SLC14A1: variants seen among roughly 807,000 people sequenced by gnomAD.
SLC14A1 encodes solute carrier family 14 member 1 (Kidd blood group), also known as urea transporter 1.
In SLC14A1, 36 loss-of-function variants were observed where a neutral mutation model predicts 39.6. The observed-to-expected ratio is 0.91, with a 90% CI of 0.70 to 1.20. The LOEUF (loss-of-function observed/expected upper bound fraction) is 1.20, where lower values mean the gene tolerates loss of function less well. Ranked by LOEUF, SLC14A1 falls within the 50% of genes most tolerant of loss-of-function variation. SLC14A1 has a pLI of 0.00. For missense variants in SLC14A1, 469 were observed against 478.7 expected (o/e 0.98, Z 0.19); for synonymous variants, 164 against 173.6 (o/e 0.94, Z 0.43).
rs753809770 is a variant in SLC14A1, at chr18:45,736,471, T to G, written c.486T>G (p.Ser162Arg). Residue 162 changes from serine (S) to arginine (R), a missense_variant, in exon 6 of 10, where the codon AGT becomes AGG. Ser to Arg is a moderately radical substitution (Grantham distance 110). Transcript: ENST00000321925. ...AMSMTCPIFS[S>R]ALNSMLSKWD... is the part of the protein sequence containing the mutation. ...CTTTTTTTAGCCCAATTTTCTCAAG[T>G]GCATTGAATTCCATGCTCAGCAAAT... 1.2e-6 allele frequency: 2 copies of G among 1,614,228 alleles called. No individual in the cohort carries two copies. The highest frequency in any genetic ancestry group is 2.2e-5 in the South Asian group (2 of 91,088).
At chr18:45,747,478 G>T (rs2144855287) in intron 8 of SLC14A1, among the ~76,000 whole-genome samples, 1 of 152,036 alleles carries the variant, frequency 6.6e-6, no homozygotes, top group East Asian at 1.9e-4. Flanking sequence ...GACAAGGTCA[G>T]GAGATTGAGA....
intron 7 of SLC14A1, 93 bp from the exon 8 acceptor site, chr18:45,739,435 G>A: frequency 1.2e-6 from 2 of 1,606,472 alleles, no homozygotes; most frequent in East Asian, 4.5e-5. Flanking sequence ...GGAGTTCCCG[G>A]GATGCTTCCT....
chr18:45,725,893 AG>A (rs1214282860), intron 2 of SLC14A1, among the ~76,000 whole-genome samples: 4 of 152,186 alleles, frequency 2.6e-5, no homozygotes, highest in African/African-American at 9.7e-5. Flanking sequence ...AGCTCAAGGA[AG>A]GGGTTCTCCA....
chr18:45,726,089 G>C (rs1171106145), intron 2 of SLC14A1, among the ~76,000 whole-genome samples: 1 of 152,080 alleles, frequency 6.6e-6, no homozygotes, highest in South Asian at 2.1e-4. Context: ...TTAACCATTT[G>C]TTCTTTATCA....
chr18:45,740,544 GA>G (rs1366187334), intron 8 of SLC14A1, among the ~76,000 whole-genome samples: 5 of 145,284 alleles, frequency 3.4e-5, no homozygotes, highest in African/African-American at 7.7e-5. Context: ...AAAGAGAAAA[GA>G]AAAAAAAAGA....
At chr18:45,736,977 T>A (rs2047216897) in intron 6 of SLC14A1, among the ~76,000 whole-genome samples, 1 of 152,164 alleles carries the variant, frequency 6.6e-6, no homozygotes, top group African/African-American at 2.4e-5. Flanking sequence ...GCATGTGGCC[T>A]CCAGCCTGGT....
intron 2 of SLC14A1, chr18:45,729,946 C>A (rs17674580): frequency 2.3e-5 from 4 of 175,288 alleles, no homozygotes; most frequent in Non-Finnish European, 3.6e-5. Context: ...GCTCTTTCTA[C>A]GTGATTTGAC....
intron 3 of SLC14A1, 92 bp from the exon 4 acceptor site, chr18:45,730,923 G>A (rs559306797): frequency 2.8e-6 from 3 of 1,060,640 alleles, no homozygotes; most frequent in Non-Finnish European, 4.4e-6. Context: ...TTCACTTCCA[G>A]GAGGTTTTGC....
chr18:45,731,877 G>A lies in SLC14A1; in HGVS notation c.341+673G>A, dbSNP rs150114070. Among the ~76,000 whole-genome samples, 46 of 152,322 alleles carry A rather than the reference G, an allele frequency of 3.0e-4. No individual in the cohort carries two copies. In the East Asian group the frequency reaches 7.5e-3, roughly 25 times the overall value. ...AGTATTCCAGGTGTCTGAGATCAACGCATAATCCCAATCCCCAGTGTGGTC... is the reference window on the plus strand; with the variant it reads ...AGTATTCCAGGTGTCTGAGATCAACACATAATCCCAATCCCCAGTGTGGTC... On this transcript the variant is annotated intron_variant, in intron 4 of 9. Coordinates refer to ENST00000321925, the MANE Select transcript of SLC14A1 (RefSeq NM_015865.7).
chr18:45,727,365 C>T (rs959876240), intron 2 of SLC14A1: 20 of 1,551,466 alleles, frequency 1.3e-5, no homozygotes, highest in Non-Finnish European at 1.5e-5. Context: ...TGACGCAGCG[C>T]GCAGAGGCAT....
chr18:45,749,707 G>T, intron 9 of SLC14A1, 71 bp from the exon 10 acceptor site: 1 of 1,573,762 alleles, frequency 6.4e-7, no homozygotes, highest in South Asian at 1.1e-5. Flanking sequence ...GCAAGTAGAG[G>T]GGGATGCCTT....
chr18:45,750,899 A>T lies in SLC14A1; in HGVS notation c.*948A>T, dbSNP rs754773213. 4.1e-6 allele frequency: 4 copies of T among 985,138 alleles called. No homozygotes were observed. Among genetic ancestry groups the T allele is most frequent in the South Asian group, 4.7e-5 (1 of 21,290 alleles). The allele number at this position is 985,138 out of a possible 1,614,324, so 61.0% of individuals were successfully genotyped here. A position where few individuals can be genotyped will look rare whatever the true frequency, so the allele number is the denominator to read the frequency against. On this transcript the variant is annotated 3_prime_UTR_variant, in exon 10 of 10. Transcript: ENST00000321925. ...AATCATATTTTTTATTCATTTGAGG[A>T]TGTCTTATAAAGACTGAAGGCAAAG...
chr18:45,749,686 C>T, intron 9 of SLC14A1, 92 bp from the exon 10 acceptor site: 1 of 1,467,026 alleles, frequency 6.8e-7, no homozygotes, highest in Non-Finnish European at 9.5e-7. Context: ...GTTCATCCCC[C>T]TGGGCTGAAT....
At chr18:45,739,753 AG>A (rs1334072735) in intron 8 of SLC14A1, 91 bp downstream of exon 8, 2 of 1,573,610 alleles carry the variant, frequency 1.3e-6, no homozygotes, top group East Asian at 4.5e-5. Context: ...ATGAAAAATC[AG>A]GGCCAGGGTT....
chr18:45,727,411 A>T (rs761507927), intron 2 of SLC14A1: 2 of 1,547,938 alleles, frequency 1.3e-6, no homozygotes, highest in South Asian at 2.4e-5. Flanking sequence ...GATGGGTCGC[A>T]GGAACAGGTA....
At position 45,739,647 on chromosome 18, in the gene SLC14A1, CT is replaced by C; in HGVS notation, c.932del (p.Leu311ArgfsTer42). ...GGCGCTCACCTGGCAAACCCACCTC[CT>C]GGCTCTTGGCTGTGGTGAGTCTCCC... ...FMALTWQTHL[L>X]ALGCALFTAY... On this transcript the variant is annotated frameshift_variant, in exon 8 of 10. Transcript: ENST00000321925. LOFTEE classifies it high-confidence loss of function. 6.2e-7 allele frequency: 1 copy of C among 1,614,198 alleles called. No individual in the cohort carries two copies. Among genetic ancestry groups the C allele is most frequent in the Non-Finnish European group, 8.5e-7 (1 of 1,180,022 alleles).
At position 45,727,495 on chromosome 18, in the gene SLC14A1, A is replaced by C. The variant is rs944612578; in HGVS notation, c.-22+2482A>C. 7.6e-6 allele frequency: 11 copies of C among 1,452,082 alleles called. No homozygotes were observed. The African/African-American group carries it at 9.9e-5, about 13-fold the overall frequency. The allele number at this position is 1,452,082 out of a possible 1,614,324, so 89.9% of individuals were successfully genotyped here. A position where few individuals can be genotyped will look rare whatever the true frequency, so the allele number is the denominator to read the frequency against. ...AAACTCTGGTGTATCTTTTCCGGGC[A>C]GAGCCTGGGAAGTGGGGGTTGGCTG... On this transcript the variant is annotated intron_variant, in intron 2 of 9. Coordinates refer to ENST00000321925, the MANE Select transcript of SLC14A1 (RefSeq NM_015865.7).
Position 45,730,383 on chromosome 18 carries a change from G to C in SLC14A1, c.63G>C (p.Gln21His), listed in dbSNP as rs757392861. Reference sequence around the variant, plus strand: ...CCACTATGGTTAGGGGTGAAAACCAGGTTTCGCCATGTCAAGGGAGAAGGT... The same window carrying C: ...CCACTATGGTTAGGGGTGAAAACCACGTTTCGCCATGTCAAGGGAGAAGGT... ...DSPTMVRGENQVSPCQGRRCF... is the reference protein window; with the variant it reads ...DSPTMVRGENHVSPCQGRRCF... The change falls in exon 3 of 10, where the codon CAG (glutamine) becomes CAC (histidine). Residue 21 changes from glutamine to histidine, a missense_variant. Transcript: ENST00000321925. The C allele has an allele frequency of 2.5e-6, 4 of 1,614,088 alleles. No homozygotes were observed. The Admixed American group carries it at 5.0e-5, about 20-fold the overall frequency.
rs778172038 is a variant in SLC14A1, at chr18:45,736,546, C to T, written c.561C>T (p.Tyr187=). Residue 187 remains tyrosine (Y), a synonymous_variant, in exon 6 of 10, where the codon TAC becomes TAT. Coordinates refer to ENST00000321925, the MANE Select transcript of SLC14A1 (RefSeq NM_015865.7). ...TLPFNMALSM[Y]LSATGHYNPF... ...CTTTCAACATGGCGTTGTCAATGTA[C>T]CTTTCAGCCACAGGACATTACAATC... 60 of 1,614,030 alleles carry T rather than the reference C, an allele frequency of 3.7e-5. No individual in the cohort carries two copies. The highest frequency in any genetic ancestry group is 4.5e-5 in the Non-Finnish European group (53 of 1,179,976).
Sources: allele counts gnomAD v4.1 joint callset (sites outside exome capture counted in the v4.1 genomes callset), GRCh38; gene constraint gnomAD v4.1.1; transcripts MANE v1.5; gene names NCBI Gene and HGNC (gene_info 2026-07-23, HGNC 2026-07-21).